PCDHA6: variants seen among roughly 807,000 people sequenced by gnomAD.
PCDHA6 encodes protocadherin alpha-6.
PCDHA6 carries 55 observed loss-of-function variants against 60.3 expected under a neutral mutation model. That is an observed-to-expected ratio of 0.91 (90% CI 0.73 to 1.14). The LOEUF (loss-of-function observed/expected upper bound fraction) is 1.14, where lower values mean the gene tolerates loss of function less well. Among genes scored for constraint, PCDHA6 ranks in the 50% most tolerant of loss-of-function variants. PCDHA6 has a pLI of 0.00. For missense variants in PCDHA6, 1,327 were observed against 1,256.5 expected, an observed-to-expected ratio of 1.06 and a Z score of -0.85; for synonymous variants, 652 against 557.9, an observed-to-expected ratio of 1.17 and a Z score of -2.38.
In PCDHA6 at chr5:140,941,191, T is replaced by C. The variant is rs184104978; in HGVS notation, c.2395-37758T>C. Among the ~76,000 whole-genome samples the C allele has an allele frequency of 2.1e-3, 199 of 93,252 alleles. 3 individuals are homozygous for C. Among genetic ancestry groups the C allele is most frequent in the South Asian group, 0.011 (39 of 3,542 alleles). The allele number at this position is 93,252 out of a possible 152,430, so 61.2% of individuals were successfully genotyped here. A position where few individuals can be genotyped will look rare whatever the true frequency, so the allele number is the denominator to read the frequency against. On this transcript the variant is annotated intron_variant, in intron 1 of 3. Transcript: ENST00000529310. ...CATCTTGAACATCCTGCTTCTTTTT[T>C]TTTCTTTCTTCCTTTCTTTCTTCCT...
At chr5:140,944,558 G>A (rs140707063) in intron 1 of PCDHA6, among the ~76,000 whole-genome samples, 10 of 152,230 alleles carry the variant, frequency 6.6e-5, no homozygotes, top group African/African-American at 2.2e-4. Flanking sequence ...TAGTTTTCCT[G>A]GCAACTTACT....
Position 140,850,482 on chromosome 5 carries a change from G to T in PCDHA6, c.2394+19997G>T, listed in dbSNP as rs2150486061. On this transcript the variant is annotated intron_variant, in intron 1 of 3. Coordinates refer to ENST00000529310, the MANE Select transcript of PCDHA6 (RefSeq NM_018909.4). ...CGGGGAGCCAGCGCTGACGGCCACG[G>T]CCACTGTGCTGGTGTCGCTGGTGGA... 5 of 1,598,110 alleles carry T rather than the reference G, an allele frequency of 3.1e-6. No homozygotes were observed. The South Asian group carries it at 5.5e-5, about 18-fold the overall frequency.
intron 1 of PCDHA6, chr5:140,870,359 C>T (rs781862161): frequency 2.5e-6 from 4 of 1,614,204 alleles, no homozygotes; most frequent in Middle Eastern, 1.6e-4. Context: ...AACGTGTGGG[C>T]CTATGAACTG....
chr5:140,842,048 G>C lies in PCDHA6; in HGVS notation c.2394+11563G>C, dbSNP rs2150328015. ...TGTGAATGATAATGCTCCCACTTTC[G>C]AACAGTCTGAATACGAAGTAAGAAT... On this transcript the variant is annotated intron_variant, in intron 1 of 3. Coordinates refer to ENST00000529310, the MANE Select transcript of PCDHA6 (RefSeq NM_018909.4). The C allele has an allele frequency of 2.4e-5, 39 of 1,613,798 alleles. 2 individuals carry two copies. The East Asian group carries it at 8.2e-4, about 34-fold the overall frequency.
At chr5:140,846,790 C>T (rs1780677178) in intron 1 of PCDHA6, among the ~76,000 whole-genome samples, 1 of 149,194 alleles carries the variant, frequency 6.7e-6, no homozygotes, top group Non-Finnish European at 1.5e-5. Context: ...ATTACTGAGC[C>T]CCAGCCCCTG....
At chr5:140,884,820 T>A (rs1318105542) in intron 1 of PCDHA6, 2 of 1,013,184 alleles carry the variant, frequency 2.0e-6, no homozygotes, top group Non-Finnish European at 2.8e-6. Context: ...GTGGACATTA[T>A]GTGTTGGATT....
At chr5:140,934,660 C>T (rs139449604) in intron 1 of PCDHA6, among the ~76,000 whole-genome samples, 2 of 152,152 alleles carry the variant, frequency 1.3e-5, no homozygotes, top group African/African-American at 2.4e-5. Flanking sequence ...TGATTCTTCC[C>T]CTTTGTTTAG....
intron 1 of PCDHA6, among the ~76,000 whole-genome samples, chr5:140,909,427 T>C (rs777444474): frequency 5.8e-4 from 88 of 152,174 alleles, no homozygotes; most frequent in Non-Finnish European, 6.5e-4. Context: ...GTTAAACTTA[T>C]GATAATCCAC....
chr5:140,920,519 C>T lies in PCDHA6; in HGVS notation c.2395-58430C>T, dbSNP rs555001599. Among the ~76,000 whole-genome samples the T allele has an allele frequency of 2.9e-4, 44 of 152,246 alleles. 2 individuals are homozygous for T. The highest frequency in any genetic ancestry group is 2.8e-4 in the Non-Finnish European group (19 of 68,008). On this transcript the variant is annotated intron_variant, in intron 1 of 3. Coordinates refer to ENST00000529310, the MANE Select transcript of PCDHA6 (RefSeq NM_018909.4). The stretch of plus-strand genomic sequence containing the variant: ...GTTCTACATACTGTTTTATGCAATT[C>T]GTTAGACTCAGGTTTTCTATTTCAC...
At chr5:140,838,136 CAG>C (rs1270820690) in intron 1 of PCDHA6, among the ~76,000 whole-genome samples, 9 of 126,910 alleles carry the variant, frequency 7.1e-5, no homozygotes, top group East Asian at 2.4e-4. Flanking sequence ...GTGTGTTTGA[CAG>C]AGTTTTACTC....
Position 140,928,713 on chromosome 5 carries a change from T to C in PCDHA6, c.2395-50236T>C, listed in dbSNP as rs535812769. The C allele has an allele frequency of 3.1e-6, 5 of 1,614,142 alleles. No individual in the cohort carries two copies. In the African/African-American group the frequency reaches 6.7e-5, roughly 22 times the overall value. ...ACATCTCCCGGGCGTCTGACTCTAG[T>C]CTCTTTAGAATTTCAGCCAATATAG... On this transcript the variant is annotated intron_variant, in intron 1 of 3. Coordinates refer to ENST00000529310, the MANE Select transcript of PCDHA6 (RefSeq NM_018909.4).
intron 1 of PCDHA6, chr5:140,842,268 A>C: frequency 6.2e-7 from 1 of 1,610,534 alleles, no homozygotes; most frequent in South Asian, 1.1e-5. Context: ...GAAAACTTAT[A>C]CAAAATCCTC....
chr5:140,861,121 A>G (rs556416106), intron 1 of PCDHA6: 3 of 153,482 alleles, frequency 2.0e-5, no homozygotes, highest in African/African-American at 7.2e-5. Flanking sequence ...ACAAACACCC[A>G]TTAAGACCAC....
At chr5:140,990,107 A>C (rs1359747896) in intron 3 of PCDHA6, among the ~76,000 whole-genome samples, 1 of 152,044 alleles carries the variant, frequency 6.6e-6, no homozygotes, top group East Asian at 1.9e-4. Context: ...TGAAACAGGA[A>C]ATTGAGAGCT....
chr5:140,975,126 A>G (rs1334807357), intron 1 of PCDHA6, among the ~76,000 whole-genome samples: 6 of 152,074 alleles, frequency 3.9e-5, no homozygotes, highest in Admixed American at 2.6e-4. Flanking sequence ...CCTACTTACT[A>G]TTGGCCTGGG....
intron 1 of PCDHA6, chr5:140,851,160 A>G: frequency 7.7e-7 from 1 of 1,297,140 alleles, no homozygotes; most frequent in Non-Finnish European, 9.9e-7. Context: ...TTCTGATGCT[A>G]TGCTGCCATA....
intron 1 of PCDHA6, chr5:140,883,784 A>G (rs2059818732): frequency 3.7e-6 from 6 of 1,612,354 alleles, no homozygotes; most frequent in Non-Finnish European, 4.2e-6. Context: ...TGCGCTGTCG[A>G]GCTACGTGTC....
intron 1 of PCDHA6, chr5:140,967,642 C>T (rs1554229731): frequency 1.2e-6 from 2 of 1,614,164 alleles, no homozygotes. Flanking sequence ...ATGGTGAGCT[C>T]AGGTACTCCT....
intron 3 of PCDHA6, among the ~76,000 whole-genome samples, chr5:140,994,912 A>G (rs2097655532): frequency 6.6e-6 from 1 of 152,222 alleles, no homozygotes; most frequent in Admixed American, 6.5e-5. Flanking sequence ...GTAGACTGGA[A>G]TCAGATTTTG....
Sources: gnomAD v4.1 joint callset for allele counts (sites outside exome capture counted in the v4.1 genomes callset) on GRCh38, gnomAD v4.1.1 for gene constraint, MANE v1.5 for transcripts, NCBI Gene and HGNC (gene_info 2026-07-23, HGNC 2026-07-21) for gene names.